The following LURAP1L variants were observed in gnomAD, a reference collection of about 807,000 sequenced individuals.
The protein encoded by LURAP1L is leucine rich adaptor protein 1 like, also known as leucine rich adaptor protein 1-like.
In LURAP1L, 12 loss-of-function variants were observed where a neutral mutation model predicts 13.8. The ratio of observed to expected loss-of-function variants is 0.87; its 90% CI spans 0.56 to 1.41. The LOEUF is 1.41. LURAP1L is among the 40% of genes most tolerant of loss of function. The probability of loss-of-function intolerance (pLI) is 0.00; values close to 1 mark genes in which losing one functional copy is unlikely to be tolerated. For synonymous variants in LURAP1L, 139 were observed against 119.2 expected, an observed-to-expected ratio of 1.17 and a Z score of -1.08; for missense variants, 375 against 292.9, an observed-to-expected ratio of 1.28 and a Z score of -2.04.
intron 1 of LURAP1L, among the ~76,000 whole-genome samples, chr9:12,784,075 T>C (rs776708149): frequency 4.6e-5 from 7 of 152,174 alleles, no homozygotes; most frequent in Non-Finnish European, 5.9e-5. Flanking sequence ...ATTTTCATTA[T>C]GGATAGGATT....
intron 1 of LURAP1L, among the ~76,000 whole-genome samples, chr9:12,783,793 GT>G (rs1451143511): frequency 6.8e-6 from 1 of 146,922 alleles, no homozygotes; most frequent in East Asian, 2.0e-4. Context: ...TAAATGTTTG[GT>G]AAAATTCAGC....
chr9:12,783,759 A>T (rs1262636290), intron 1 of LURAP1L, among the ~76,000 whole-genome samples: 2 of 150,450 alleles, frequency 1.3e-5, no homozygotes, highest in Admixed American at 6.6e-5. Flanking sequence ...TTTTTGGAAT[A>T]GTTTGGGTAG....
chr9:12,795,177 T>C (rs1819496328), intron 1 of LURAP1L, among the ~76,000 whole-genome samples: 1 of 151,992 alleles, frequency 6.6e-6, no homozygotes, highest in Non-Finnish European at 1.5e-5. Flanking sequence ...TTGTAGATGA[T>C]GTTGCTTTTG....
chr9:12,798,040 G>A (rs1819532802), intron 1 of LURAP1L, among the ~76,000 whole-genome samples: 1 of 152,076 alleles, frequency 6.6e-6, no homozygotes, highest in African/African-American at 2.4e-5. Flanking sequence ...TCTCTGCAGT[G>A]TTTTATGGGT....
At chr9:12,786,555 T>C (rs1271575577) in intron 1 of LURAP1L, among the ~76,000 whole-genome samples, 1 of 109,884 alleles carries the variant, frequency 9.1e-6, no homozygotes, top group Non-Finnish European at 1.9e-5. Flanking sequence ...GACATATATA[T>C]ATATATATAT....
chr9:12,799,329 C>T (rs1335529598), intron 1 of LURAP1L, among the ~76,000 whole-genome samples: 1 of 152,088 alleles, frequency 6.6e-6, no homozygotes, highest in Non-Finnish European at 1.5e-5. Flanking sequence ...ATAACTTATG[C>T]ATTTATCGAC....
intron 1 of LURAP1L, among the ~76,000 whole-genome samples, chr9:12,819,030 T>C (rs1331410092): frequency 1.3e-5 from 2 of 152,176 alleles, no homozygotes; most frequent in Non-Finnish European, 1.5e-5. Context: ...TCCTGGCTCA[T>C]AGGGTGTGCG....
chr9:12,806,481 G>A (rs1304788613), intron 1 of LURAP1L, among the ~76,000 whole-genome samples: 4 of 151,786 alleles, frequency 2.6e-5, no homozygotes, highest in Admixed American at 2.6e-4. Context: ...CAATTCAGTA[G>A]TAAACAGTAG....
In LURAP1L at chr9:12,787,862, C is replaced by T. The variant is rs940379373; in HGVS notation, c.312+11835C>T. ...ACGCAGTGGTTCACGCCTGTAATCC[C>T]AGCACTTTGGGGGTTGAGGCAGGTA... On this transcript the variant is annotated intron_variant, in intron 1 of 1. Transcript: ENST00000319264. Among the ~76,000 whole-genome samples, 2 of 152,126 alleles carry T rather than the reference C, an allele frequency of 1.3e-5. 1 individual carries two copies. The highest frequency in any genetic ancestry group is 1.3e-4 in the Admixed American group (2 of 15,274).
intron 1 of LURAP1L, among the ~76,000 whole-genome samples, chr9:12,781,968 A>G (rs1254870563): frequency 6.6e-6 from 1 of 152,178 alleles, no homozygotes; most frequent in Admixed American, 6.5e-5. Context: ...GGGTGAGATA[A>G]TATTTCATTG....
intron 1 of LURAP1L, among the ~76,000 whole-genome samples, chr9:12,798,561 G>A (rs1474250497): frequency 6.6e-6 from 1 of 152,086 alleles, no homozygotes; most frequent in African/African-American, 2.4e-5. Flanking sequence ...CCTTAAATGT[G>A]GTGACCCATC....
At chr9:12,815,407 C>G (rs1819791419) in intron 1 of LURAP1L, among the ~76,000 whole-genome samples, 1 of 152,144 alleles carries the variant, frequency 6.6e-6, no homozygotes, top group African/African-American at 2.4e-5. Context: ...GAACTAAACT[C>G]TCTTCCACCA....
At chr9:12,820,965 A>G (rs1330819564) in intron 1 of LURAP1L, among the ~76,000 whole-genome samples, 1 of 152,196 alleles carries the variant, frequency 6.6e-6, no homozygotes, top group Admixed American at 6.5e-5. Flanking sequence ...AGAGGCTTCT[A>G]CGATGCTGAG....
chr9:12,817,120 C>T (rs1453080674), intron 1 of LURAP1L, among the ~76,000 whole-genome samples: 1 of 152,164 alleles, frequency 6.6e-6, no homozygotes, highest in Non-Finnish European at 1.5e-5. Flanking sequence ...TAGGAATAAC[C>T]TCACACCAGT....
chr9:12,789,464 C>T (rs34112783), intron 1 of LURAP1L, among the ~76,000 whole-genome samples: 11,421 of 152,178 alleles, frequency 0.075, 528 homozygotes, highest in Admixed American at 0.1. Flanking sequence ...GAACATGCTA[C>T]ATCGGAGTCC....
At chr9:12,820,266 A>G (rs532878504) in intron 1 of LURAP1L, among the ~76,000 whole-genome samples, 1 of 152,080 alleles carries the variant, frequency 6.6e-6, no homozygotes, top group East Asian at 2.0e-4. Context: ...GCACTTTGGG[A>G]GGCCGAGGCG....
chr9:12,786,159 T>C (rs567628310), intron 1 of LURAP1L, among the ~76,000 whole-genome samples: 4 of 152,106 alleles, frequency 2.6e-5, no homozygotes, highest in Non-Finnish European at 5.9e-5. Context: ...CACCCACTTA[T>C]GAGGTAGACA....
intron 1 of LURAP1L, among the ~76,000 whole-genome samples, chr9:12,807,491 A>G (rs1819676209): frequency 6.6e-6 from 1 of 152,158 alleles, no homozygotes; most frequent in Admixed American, 6.5e-5. Context: ...GCCACTTAAA[A>G]TCTGCAAGAA....
intron 1 of LURAP1L, among the ~76,000 whole-genome samples, chr9:12,789,090 C>G (rs202024781): frequency 7.3e-6 from 1 of 136,972 alleles, no homozygotes; most frequent in Non-Finnish European, 1.6e-5. Flanking sequence ...AGCACCCCCC[C>G]AAAAAAAAAA....
Sources: allele counts gnomAD v4.1 joint callset (sites outside exome capture counted in the v4.1 genomes callset), GRCh38; gene constraint gnomAD v4.1.1; transcripts MANE v1.5; gene names NCBI Gene and HGNC (gene_info 2026-07-23, HGNC 2026-07-21).